Variants in FAM78B observed in about 807,000 individuals in gnomAD.
FAM78B encodes family with sequence similarity 78 member B.
FAM78B carries 10 observed loss-of-function variants against 20.0 expected under a neutral mutation model. The observed-to-expected ratio is 0.50, with a 90% CI of 0.31 to 0.85. The LOEUF is 0.85. Among genes scored for constraint, FAM78B ranks in the 40% least tolerant of loss-of-function variants. The pLI, the probability that FAM78B is intolerant of heterozygous loss-of-function variation, is 0.05. For synonymous variants in FAM78B, 135 were observed against 132.8 expected, an observed-to-expected ratio of 1.02 and a Z score of -0.12; for missense variants, 283 against 345.0, an observed-to-expected ratio of 0.82 and a Z score of 1.42.
At chr1:166,132,933 G>C (rs1301840216) in intron 1 of FAM78B, among the ~76,000 whole-genome samples, 4 of 152,184 alleles carry the variant, frequency 2.6e-5, no homozygotes, top group Non-Finnish European at 5.9e-5. Context: ...CAGTTTGTAG[G>C]GGTGTAACTG....
At chr1:166,075,272 C>T (rs1421678860) in intron 1 of FAM78B, among the ~76,000 whole-genome samples, 1 of 152,168 alleles carries the variant, frequency 6.6e-6, no homozygotes, top group Admixed American at 6.5e-5. Context: ...AGGGCTTCAT[C>T]TAGACTGGTG....
chr1:166,130,263 A>G (rs1013652350), intron 1 of FAM78B, among the ~76,000 whole-genome samples: 1 of 152,248 alleles, frequency 6.6e-6, no homozygotes, highest in African/African-American at 2.4e-5. Context: ...ATGATGTGAA[A>G]GCATGGACGT....
chr1:166,097,899 C>T (rs758348537), intron 1 of FAM78B, among the ~76,000 whole-genome samples: 14 of 152,180 alleles, frequency 9.2e-5, no homozygotes, highest in South Asian at 6.2e-4. Flanking sequence ...CTCTGGAAAG[C>T]GCCATGTCCT....
chr1:166,130,827 G>T (rs539135226), intron 1 of FAM78B, among the ~76,000 whole-genome samples: 2 of 152,120 alleles, frequency 1.3e-5, no homozygotes, highest in Non-Finnish European at 1.5e-5. Flanking sequence ...TCTTTCTCCT[G>T]CATTGTGTGT....
chr1:166,109,835 T>TATAC (rs1653940050), intron 1 of FAM78B, among the ~76,000 whole-genome samples: 1 of 17,418 alleles, frequency 5.7e-5, no homozygotes, highest in Admixed American at 6.3e-4. Flanking sequence ...TATATATGTA[T>TATAC]ATATGTATAT....
chr1:166,156,887 AG>A (rs1655917081), intron 1 of FAM78B, among the ~76,000 whole-genome samples: 1 of 152,052 alleles, frequency 6.6e-6, no homozygotes, highest in South Asian at 2.1e-4. Flanking sequence ...GGGATAGGAC[AG>A]GAAGTCCCCA....
chr1:166,068,391 A>C (rs887458540), downstream of FAM78B, among the ~76,000 whole-genome samples: 1 of 152,212 alleles, frequency 6.6e-6, no homozygotes, highest in Non-Finnish European at 1.5e-5. Context: ...TGAGCCACTG[A>C]TGTATTATTA....
intron 1 of FAM78B, among the ~76,000 whole-genome samples, chr1:166,132,666 T>C (rs1313889659): frequency 6.6e-6 from 1 of 152,134 alleles, no homozygotes; most frequent in Non-Finnish European, 1.5e-5. Flanking sequence ...TCCACCTAAT[T>C]AGACAAAAAT....
chr1:166,072,945 C>T (rs1652107022), intron 1 of FAM78B, among the ~76,000 whole-genome samples: 1 of 152,130 alleles, frequency 6.6e-6, no homozygotes, highest in South Asian at 2.1e-4. Flanking sequence ...ATCTTCCTGC[C>T]CAGAGCTGTG....
intron 1 of FAM78B, among the ~76,000 whole-genome samples, chr1:166,133,149 T>C (rs1654937366): frequency 6.6e-6 from 1 of 152,160 alleles, no homozygotes; most frequent in Non-Finnish European, 1.5e-5. Flanking sequence ...TTTGAGCACA[T>C]TATTTCTGCT....
chr1:166,115,250 G>A (rs1447341105), intron 1 of FAM78B, among the ~76,000 whole-genome samples: 4 of 152,272 alleles, frequency 2.6e-5, no homozygotes, highest in African/African-American at 9.6e-5. Context: ...GGTAATGAGA[G>A]ATGGGGCTGC....
intron 1 of FAM78B, among the ~76,000 whole-genome samples, chr1:166,125,347 G>A (rs1036465115): frequency 6.6e-6 from 1 of 152,076 alleles, no homozygotes; most frequent in Admixed American, 6.5e-5. Flanking sequence ...AATGGGCCTC[G>A]GAGCTCAGTA....
intron 1 of FAM78B, among the ~76,000 whole-genome samples, chr1:166,162,077 G>A (rs867591682): frequency 2.0e-5 from 3 of 152,202 alleles, no homozygotes; most frequent in African/African-American, 7.2e-5. Flanking sequence ...AAAGATGGGA[G>A]CAGTTCCACA....
chr1:166,086,750 T>C (rs578203906), intron 1 of FAM78B, among the ~76,000 whole-genome samples: 15 of 152,234 alleles, frequency 9.9e-5, no homozygotes, highest in African/African-American at 1.7e-4. Flanking sequence ...GACAGGACCA[T>C]AGACATGTCT....
chr1:166,077,623 TA>T (rs1257431756), intron 1 of FAM78B, among the ~76,000 whole-genome samples: 1 of 141,694 alleles, frequency 7.1e-6, no homozygotes, highest in African/African-American at 2.6e-5. Context: ...AAATTATATA[TA>T]ATACATATAA....
chr1:166,122,894 A>G (rs1045049906), intron 1 of FAM78B, among the ~76,000 whole-genome samples: 7 of 151,878 alleles, frequency 4.6e-5, no homozygotes, highest in Non-Finnish European at 7.4e-5. Flanking sequence ...GATCCCATAG[A>G]GTGGATTATT....
At chr1:166,092,032 ATTTTT>A (rs11286787) in intron 1 of FAM78B, among the ~76,000 whole-genome samples, 12 of 126,014 alleles carry the variant, frequency 9.5e-5, no homozygotes, top group Non-Finnish European at 1.2e-4. Flanking sequence ...TTGAGCCATC[ATTTTT>A]TTTTTTTTTT....
intron 1 of FAM78B, among the ~76,000 whole-genome samples, chr1:166,077,910 A>T (rs1263960223): frequency 2.5e-3 from 4 of 1,588 alleles, no homozygotes; most frequent in East Asian, 0.022. Flanking sequence ...TTATATATAT[A>T]ATTATATATA....
chr1:166,109,920 AATGGAATAC>A (rs1451788948), intron 1 of FAM78B, among the ~76,000 whole-genome samples: 1 of 108,364 alleles, frequency 9.2e-6, no homozygotes, highest in East Asian at 2.9e-4. Context: ...ATATATATAT[AATGGAATAC>A]TATGCAGACA....
Sources: gnomAD v4.1 joint callset for allele counts (sites outside exome capture counted in the v4.1 genomes callset) on GRCh38, gnomAD v4.1.1 for gene constraint, MANE v1.5 for transcripts, NCBI Gene and HGNC (gene_info 2026-07-23, HGNC 2026-07-21) for gene names.